Variants in ZC3H13 observed in about 807,000 individuals in gnomAD.
The protein encoded by ZC3H13 is zinc finger CCCH-type containing 13.
In ZC3H13, 64 loss-of-function variants were observed where a neutral mutation model predicts 204.1. The observed-to-expected ratio is 0.31, with a 90% CI of 0.26 to 0.39. The LOEUF is 0.39. Ranked by LOEUF, ZC3H13 falls within the 10% of genes least tolerant of loss-of-function variation. The pLI is 1.00. For missense variants in ZC3H13, 1,833 were observed against 2,082.7 expected (o/e 0.88, Z 2.33); for synonymous variants, 667 against 693.7 (o/e 0.96, Z 0.60).
chr13:46,002,175 G>C (rs2040799397), intron 8 of ZC3H13, among the ~76,000 whole-genome samples: 2 of 152,142 alleles, frequency 1.3e-5, no homozygotes, highest in Non-Finnish European at 2.9e-5. Flanking sequence ...CTAATCATCA[G>C]AGAAATGCAA....
intron 3 of ZC3H13, among the ~76,000 whole-genome samples, chr13:46,042,546 G>A (rs1330628779): frequency 6.6e-6 from 1 of 152,082 alleles, no homozygotes; most frequent in Non-Finnish European, 1.5e-5. Flanking sequence ...TACTGGTGAT[G>A]TGAATAAGAA....
intron 12 of ZC3H13, among the ~76,000 whole-genome samples, chr13:45,972,625 G>A (rs994899441): frequency 1.3e-5 from 2 of 152,160 alleles, no homozygotes; most frequent in Non-Finnish European, 2.9e-5. Context: ...ATCATAGACA[G>A]CTCCTTTATA....
rs141098114 is a variant in ZC3H13, at chr13:46,031,584, GAAT to G, written c.339+10577_339+10579del. 3.7e-3 allele frequency among the ~76,000 whole-genome samples: 564 copies of G among 152,142 alleles called. 4 individuals carry two copies. The highest frequency in any genetic ancestry group is 9.9e-3 in the Admixed American group (151 of 15,288). On this transcript the variant is annotated intron_variant, in intron 4 of 18. Coordinates refer to ENST00000679008, the MANE Select transcript of ZC3H13 (RefSeq NM_001330564.2). ...AAACATACAAGGAACTCTTAAAATT[GAAT>G]AATAAGAAAACAACCTGTTTTTAAA...
At chr13:46,018,768 A>G (rs2042059210) in intron 5 of ZC3H13, among the ~76,000 whole-genome samples, 1 of 152,192 alleles carries the variant, frequency 6.6e-6, no homozygotes, top group South Asian at 2.1e-4. Flanking sequence ...TATATTTTCA[A>G]CAACTACTAA....
chr13:46,017,516 ATAGT>A (rs1479962422), intron 5 of ZC3H13, among the ~76,000 whole-genome samples: 3 of 152,108 alleles, frequency 2.0e-5, no homozygotes, highest in Non-Finnish European at 2.9e-5. Context: ...GCTTTGCAAA[ATAGT>A]TATTTTTCAT....
At chr13:46,045,572 G>C in intron 1 of ZC3H13, 56 bp from the exon 2 acceptor site, 1 of 1,192,040 alleles carries the variant, frequency 8.4e-7, no homozygotes, top group Non-Finnish European at 1.3e-6. Flanking sequence ...TTAAATAACT[G>C]AGCCCACAGC....
chr13:46,041,979 T>C (rs563697866), intron 4 of ZC3H13, among the ~76,000 whole-genome samples, 185 bp downstream of exon 4: 2 of 152,182 alleles, frequency 1.3e-5, no homozygotes, highest in South Asian at 2.1e-4. Flanking sequence ...TTAACTACCA[T>C]AAAGAACTGA....
chr13:46,018,440 GA>G (rs979358445), intron 5 of ZC3H13, among the ~76,000 whole-genome samples: 6 of 152,102 alleles, frequency 3.9e-5, no homozygotes, highest in African/African-American at 7.2e-5. Context: ...TAAAGATATA[GA>G]AGAGAGTGTA....
intron 7 of ZC3H13, 184 bp downstream of exon 7, chr13:46,010,164 A>G: frequency 2.1e-6 from 1 of 486,726 alleles, no homozygotes; most frequent in Non-Finnish European, 3.3e-6. Flanking sequence ...TGTTACACAG[A>G]TGTTTGTTTT....
intron 4 of ZC3H13, among the ~76,000 whole-genome samples, chr13:46,033,059 A>G (rs926963757): frequency 1.3e-5 from 2 of 152,144 alleles, no homozygotes; most frequent in African/African-American, 4.8e-5. Context: ...TACAGGGAAA[A>G]GGGTACAGCA....
At chr13:46,010,778 G>A (rs2138652863) in intron 6 of ZC3H13, among the ~76,000 whole-genome samples, 1 of 151,200 alleles carries the variant, frequency 6.6e-6, no homozygotes, top group Admixed American at 6.6e-5. Flanking sequence ...TATGGTCTCA[G>A]CTATTAGGGA....
intron 10 of ZC3H13, among the ~76,000 whole-genome samples, chr13:45,981,697 T>A (rs1001590349): frequency 1.2e-4 from 18 of 152,176 alleles, no homozygotes; most frequent in Non-Finnish European, 2.6e-4. Context: ...TGAGATGGCA[T>A]CTCATTGTGG....
chr13:46,015,256 A>G (rs1009287449), intron 5 of ZC3H13, among the ~76,000 whole-genome samples: 6 of 152,130 alleles, frequency 3.9e-5, no homozygotes, highest in African/African-American at 1.4e-4. Flanking sequence ...AGTAAGATTG[A>G]GCATTTATTG....
chr13:46,008,762 C>T (rs2041337538), intron 7 of ZC3H13, among the ~76,000 whole-genome samples: 1 of 152,024 alleles, frequency 6.6e-6, no homozygotes, highest in South Asian at 2.1e-4. Context: ...GCGTATCACT[C>T]TCTGTTCATT....
At chr13:45,994,289 T>C (rs2040177213) in intron 8 of ZC3H13, among the ~76,000 whole-genome samples, 1 of 152,228 alleles carries the variant, frequency 6.6e-6, no homozygotes, top group African/African-American at 2.4e-5. Flanking sequence ...CAGTTAACAG[T>C]GGGCTATTAG....
At chr13:45,966,761 C>T (rs1031165122) in intron 15 of ZC3H13, among the ~76,000 whole-genome samples, 4 of 151,904 alleles carry the variant, frequency 2.6e-5, no homozygotes, top group Non-Finnish European at 4.4e-5. Flanking sequence ...GTAAGTGCCT[C>T]GAGCAGAGAA....
intron 4 of ZC3H13, among the ~76,000 whole-genome samples, chr13:46,037,225 A>G (rs1300895469): frequency 6.6e-6 from 1 of 152,210 alleles, no homozygotes; most frequent in East Asian, 1.9e-4. Flanking sequence ...CAATAAAAAA[A>G]TGAAAATAAA....
chr13:46,009,414 G>A (rs2041384307), intron 7 of ZC3H13, among the ~76,000 whole-genome samples: 1 of 152,106 alleles, frequency 6.6e-6, no homozygotes, highest in African/African-American at 2.4e-5. Flanking sequence ...TCACCTGTGT[G>A]GGTGGTGGGT....
chr13:45,969,607 C>A lies in ZC3H13; in HGVS notation c.2937G>T (p.Arg979Ser), dbSNP rs1270043106. 2 of 1,610,666 alleles carry A rather than the reference C, an allele frequency of 1.2e-6. No individual in the cohort carries two copies. Among genetic ancestry groups the A allele is most frequent in the South Asian group, 2.2e-5 (2 of 89,942 alleles). Residue 979 changes from arginine to serine, a missense_variant, in exon 14 of 19, where the codon AGG becomes AGT. Coordinates refer to ENST00000679008, the MANE Select transcript of ZC3H13 (RefSeq NM_001330564.2). ...CTTCAGATGTTGTCTCTATGTTACC[C>A]CTCTCTATTCCAACATCATCCTCTT... The part of the protein sequence containing the change: ...KKKEDDVGIE[R>S]GNIETTSEDG...
Sources: allele counts gnomAD v4.1 joint callset (sites outside exome capture counted in the v4.1 genomes callset), GRCh38; gene constraint gnomAD v4.1.1; transcripts MANE v1.5; gene names NCBI Gene and HGNC (gene_info 2026-07-23, HGNC 2026-07-21).